LYPD6B: variants seen among roughly 807,000 people sequenced by gnomAD.
LYPD6B encodes ly6/PLAUR domain-containing protein 6B.
Under a neutral mutation model 22.8 loss-of-function variants are expected in LYPD6B, and 17 were observed. The ratio of observed to expected loss-of-function variants is 0.75; its 90% CI spans 0.51 to 1.12. The LOEUF (loss-of-function observed/expected upper bound fraction) is 1.12, where lower values mean the gene tolerates loss of function less well. Among genes scored for constraint, LYPD6B ranks in the 50% most tolerant of loss-of-function variants. LYPD6B has a pLI of 0.00. For synonymous variants in LYPD6B, 106 were observed against 91.6 expected, an observed-to-expected ratio of 1.16 and a Z score of -0.90; for missense variants, 221 against 258.3, an observed-to-expected ratio of 0.86 and a Z score of 0.99.
At chr2:149,147,843 A>G (rs376030880) in intron 2 of LYPD6B, among the ~76,000 whole-genome samples, 1 of 151,602 alleles carries the variant, frequency 6.6e-6, no homozygotes, top group African/African-American at 2.4e-5. Flanking sequence ...GACTATAAGA[A>G]GCTTCAAGAT....
At chr2:149,177,207 G>T (rs115156544) in intron 3 of LYPD6B, among the ~76,000 whole-genome samples, 280 of 152,294 alleles carry the variant, frequency 1.8e-3, no homozygotes, top group African/African-American at 6.5e-3. Flanking sequence ...TTTGATTAGC[G>T]TTGCATGGAG....
intron 3 of LYPD6B, chr2:149,188,731 G>A (rs970426357): frequency 1.0e-6 from 1 of 968,132 alleles, no homozygotes; most frequent in Non-Finnish European, 1.2e-6. Context: ...GCTCCAGAGA[G>A]GTAGTTTTAA....
At chr2:149,086,030 A>G (rs1558989177) in intron 1 of LYPD6B, among the ~76,000 whole-genome samples, 1 of 152,186 alleles carries the variant, frequency 6.6e-6, no homozygotes, top group South Asian at 2.1e-4. Context: ...AATCCAGAGC[A>G]TTGCCAGGCG....
intron 1 of LYPD6B, among the ~76,000 whole-genome samples, chr2:149,109,834 C>T (rs766071077): frequency 1.3e-5 from 2 of 152,058 alleles, no homozygotes; most frequent in African/African-American, 4.8e-5. Context: ...TCCTCAGCCT[C>T]CTGAGTAGCT....
chr2:149,139,564 A>T (rs1688563229), intron 2 of LYPD6B, among the ~76,000 whole-genome samples: 1 of 152,180 alleles, frequency 6.6e-6, no homozygotes, highest in Non-Finnish European at 1.5e-5. Flanking sequence ...ATCTTTTCTC[A>T]TTCCTCATTT....
At chr2:149,112,916 A>G (rs1226496575) in intron 1 of LYPD6B, among the ~76,000 whole-genome samples, 1 of 152,182 alleles carries the variant, frequency 6.6e-6, no homozygotes, top group Non-Finnish European at 1.5e-5. Context: ...GCCAAAATAA[A>G]CAAAGAGTTC....
At chr2:149,157,262 A>G (rs934920772) in intron 2 of LYPD6B, among the ~76,000 whole-genome samples, 5 of 152,190 alleles carry the variant, frequency 3.3e-5, no homozygotes, top group East Asian at 3.9e-4. Flanking sequence ...ACTAAAAAGA[A>G]CAATCTTAAC....
chr2:149,151,439 T>G (rs1336616686), intron 2 of LYPD6B, among the ~76,000 whole-genome samples: 2 of 152,164 alleles, frequency 1.3e-5, no homozygotes, highest in African/African-American at 4.8e-5. Flanking sequence ...CAGAGAACTC[T>G]CCAGTTAAAT....
At chr2:149,039,104 G>A (rs1234006248) in intron 1 of LYPD6B, among the ~76,000 whole-genome samples, 1 of 152,102 alleles carries the variant, frequency 6.6e-6, no homozygotes, top group Non-Finnish European at 1.5e-5. Context: ...CCAGAGCCCT[G>A]CGGGGCCAGT....
intron 1 of LYPD6B, among the ~76,000 whole-genome samples, chr2:149,090,006 A>C (rs542542570): frequency 6.6e-6 from 1 of 152,200 alleles, no homozygotes; most frequent in Admixed American, 6.5e-5. Flanking sequence ...TGCATCTAAG[A>C]GTGTGTGATG....
chr2:149,212,404 A>AAAAAAAAT (rs60921703), intron 5 of LYPD6B, among the ~76,000 whole-genome samples: 1 of 147,642 alleles, frequency 6.8e-6, no homozygotes, highest in Non-Finnish European at 1.5e-5. Flanking sequence ...AAAAAAAAAA[A>AAAAAAAAT]GAAATTATTA....
Position 149,160,766 on chromosome 2 carries a change from T to C in LYPD6B, c.8T>C (p.Leu3Pro), listed in dbSNP as rs1307307606. The change falls in exon 3 of 7, where the codon CTG (leucine) becomes CCG (proline). Residue 3 changes from leucine to proline, a missense_variant and splice_region_variant. Leu to Pro is a moderately conservative substitution (Grantham distance 98). Transcript: ENST00000409642. The part of the protein sequence containing the change: ML[L>P]ITLSANLFTV... ...TTATCTTTTTTTATCTCTGGTAGGC[T>C]GATTACTCTGAGTGCAAACCTTTTC... 6.4e-7 allele frequency: 1 copy of C among 1,553,178 alleles called. No individual in the cohort carries two copies. The highest frequency in any genetic ancestry group is 1.2e-5 in the South Asian group (1 of 84,258).
intron 1 of LYPD6B, among the ~76,000 whole-genome samples, chr2:149,090,532 C>T (rs1442084764): frequency 6.6e-6 from 1 of 152,140 alleles, no homozygotes; most frequent in Non-Finnish European, 1.5e-5. Context: ...TGTCAATACT[C>T]TTAGCCTGTT....
At chr2:149,078,959 A>G (rs1425474652) in intron 1 of LYPD6B, among the ~76,000 whole-genome samples, 2 of 150,582 alleles carry the variant, frequency 1.3e-5, no homozygotes, top group Non-Finnish European at 2.9e-5. Flanking sequence ...GTGAGCTATG[A>G]TCATGCCACT....
At chr2:149,161,248 T>C (rs1024502494) in intron 3 of LYPD6B, among the ~76,000 whole-genome samples, 1 of 152,176 alleles carries the variant, frequency 6.6e-6, no homozygotes, top group African/African-American at 2.4e-5. Context: ...ACTTAGAACA[T>C]GTGTGCACTA....
chr2:149,041,629 A>G (rs1306431516), intron 1 of LYPD6B, among the ~76,000 whole-genome samples: 1 of 152,188 alleles, frequency 6.6e-6, no homozygotes, highest in Admixed American at 6.5e-5. Flanking sequence ...TTAGGTAGGC[A>G]ACAAACTGTG....
chr2:149,180,920 A>G (rs999430836), intron 3 of LYPD6B, among the ~76,000 whole-genome samples: 22 of 152,188 alleles, frequency 1.4e-4, no homozygotes, highest in Admixed American at 2.6e-4. Context: ...GTGACCTTGG[A>G]CCAGGCCCTG....
intron 6 of LYPD6B, among the ~76,000 whole-genome samples, chr2:149,213,631 T>G (rs1288419859): frequency 6.6e-6 from 1 of 152,250 alleles, no homozygotes; most frequent in Non-Finnish European, 1.5e-5. Context: ...TGAAAATATG[T>G]TCATTTCATG....
chr2:149,066,047 T>C (rs1217922851), intron 1 of LYPD6B, among the ~76,000 whole-genome samples: 1 of 152,172 alleles, frequency 6.6e-6, no homozygotes, highest in East Asian at 1.9e-4. Flanking sequence ...AGGCTGCTAG[T>C]TCATGGGCTG....
Sources: allele counts gnomAD v4.1 joint callset (sites outside exome capture counted in the v4.1 genomes callset), GRCh38; gene constraint gnomAD v4.1.1; transcripts MANE v1.5; gene names NCBI Gene and HGNC (gene_info 2026-07-23, HGNC 2026-07-21).